The following HIPK1 variants were observed in gnomAD, a reference collection of about 807,000 sequenced individuals.
HIPK1 encodes the protein homeodomain-interacting protein kinase 1.
In HIPK1, 28 loss-of-function variants were observed where a neutral mutation model predicts 117.1. That is an observed-to-expected ratio of 0.24 (90% CI 0.18 to 0.33). The LOEUF (loss-of-function observed/expected upper bound fraction) is 0.33, where lower values mean the gene tolerates loss of function less well. Ranked by LOEUF, HIPK1 falls within the 10% of genes least tolerant of loss-of-function variation. The pLI, the probability that HIPK1 is intolerant of heterozygous loss-of-function variation, is 1.00. For synonymous variants in HIPK1, 605 were observed against 562.5 expected (o/e 1.08, Z -1.07); for missense variants, 1,122 against 1,475.1 (o/e 0.76, Z 3.92).
intron 2 of HIPK1, among the ~76,000 whole-genome samples, chr1:113,949,315 G>T (rs1351633376): frequency 3.3e-5 from 5 of 152,176 alleles, no homozygotes; most frequent in Admixed American, 3.3e-4. Flanking sequence ...CTCATTGCCA[G>T]TTGTGCTCCC....
intron 1 of HIPK1, chr1:113,929,799 G>T: frequency 1.0e-6 from 1 of 976,938 alleles, no homozygotes; most frequent in Non-Finnish European, 1.2e-6. Flanking sequence ...GCGCGGGGAC[G>T]GCTCCGGGGG....
chr1:113,948,539 C>T (rs940160667), intron 2 of HIPK1, among the ~76,000 whole-genome samples: 5 of 151,806 alleles, frequency 3.3e-5, no homozygotes, highest in Non-Finnish European at 7.4e-5. Context: ...AGGTGTGAAC[C>T]GCCGTTTCTG....
chr1:113,968,597 C>G lies in HIPK1; in HGVS notation c.2720C>G (p.Thr907Ser). ...CCCAGCCCTCCTGTGAGTGTCATCA[C>G]TATCCGAAGTGACACTGATGAGGAA... The part of the protein sequence containing the change: ...DTPSPPVSVI[T>S]IRSDTDEEED... The change falls in exon 13 of 16, where the codon ACT becomes AGT. Residue 907 changes from threonine to serine, a missense_variant. Coordinates refer to ENST00000426820, the MANE Select transcript of HIPK1 (RefSeq NM_198268.3). The G allele has an allele frequency of 6.2e-7, 1 of 1,614,140 alleles. No individual in the cohort carries two copies. The highest frequency in any genetic ancestry group is 8.5e-7 in the Non-Finnish European group (1 of 1,179,960).
chr1:113,977,113 G>A lies in HIPK1; in HGVS notation c.*3601G>A, dbSNP rs1159700024. 2 of 152,734 alleles carry A rather than the reference G, an allele frequency of 1.3e-5. No individual in the cohort carries two copies. Among genetic ancestry groups the A allele is most frequent in the African/African-American group, 4.8e-5 (2 of 41,450 alleles). 9.5% of individuals were successfully genotyped at this position (152,734 alleles called of 1,614,324 possible). ...GACTGCCCTTAGCCAGGCAAGCACA[G>A]TAATGTGTGTTTTGTTCAGCATTAT... On this transcript the variant is annotated 3_prime_UTR_variant, in exon 16 of 16. Coordinates refer to ENST00000426820, the MANE Select transcript of HIPK1 (RefSeq NM_198268.3).
chr1:113,965,573 G>T (rs974073388), intron 10 of HIPK1, among the ~76,000 whole-genome samples: 1 of 151,992 alleles, frequency 6.6e-6, no homozygotes, highest in African/African-American at 2.4e-5. Context: ...GCTTTTTCTT[G>T]CTGGCATAAG....
intron 10 of HIPK1, among the ~76,000 whole-genome samples, chr1:113,963,848 T>C (rs768459807): frequency 6.6e-6 from 1 of 152,206 alleles, no homozygotes; most frequent in Non-Finnish European, 1.5e-5. Context: ...TCAGAAGAGC[T>C]TCAACACTGT....
At position 113,966,311 on chromosome 1, in the gene HIPK1, C is replaced by T. The variant is rs199800696; in HGVS notation, c.2381+39C>T. The stretch of plus-strand genomic sequence containing the variant: ...GTTACTCTGGGAGATTTGTAAGGGC[C>T]GATCCCATAGGGTGGGAGCACTTGG... On this transcript the variant is annotated intron_variant, in intron 11 of 15. Transcript: ENST00000426820. The T allele has an allele frequency of 3.5e-5, 56 of 1,584,996 alleles. 1 individual carries two copies. In the African/African-American group the frequency reaches 3.7e-4, roughly 10 times the overall value.
chr1:113,946,730 A>G (rs779971822), intron 2 of HIPK1, among the ~76,000 whole-genome samples: 12 of 152,212 alleles, frequency 7.9e-5, no homozygotes, highest in Non-Finnish European at 1.5e-4. Flanking sequence ...AAGTGGAGCT[A>G]AGTTTGCCTC....
Position 113,929,490 on chromosome 1 carries a change from T to C in HIPK1, c.-45T>C. The C allele has an allele frequency of 7.8e-7, 1 of 1,289,348 alleles. No individual in the cohort carries two copies. 79.9% of individuals were successfully genotyped at this position (1,289,348 alleles called of 1,614,324 possible). ...CCGACTCCTACTGCAATCAGTACTA[T>C]GCGATCGTCCTAGAGAGTCCATTCA... On this transcript the variant is annotated 5_prime_UTR_variant, in exon 1 of 16. It removes an upstream start codon present in the reference 5' UTR. Coordinates refer to ENST00000426820, the MANE Select transcript of HIPK1 (RefSeq NM_198268.3).
intron 14 of HIPK1, among the ~76,000 whole-genome samples, chr1:113,971,581 CAA>C (rs1319510576): frequency 1.3e-5 from 2 of 152,064 alleles, no homozygotes; most frequent in African/African-American, 2.4e-5. Flanking sequence ...TTGTATATAA[CAA>C]GAGATTATAG....
chr1:113,968,029 C>CT, intron 12 of HIPK1, 81 bp downstream of exon 12: 12 of 1,237,616 alleles, frequency 9.7e-6, no homozygotes, highest in Non-Finnish European at 1.3e-5. Context: ...ATTGTATAGA[C>CT]ATATAATATA....
chr1:113,951,930 A>T (rs904507654), intron 2 of HIPK1, among the ~76,000 whole-genome samples: 6 of 124,166 alleles, frequency 4.8e-5, no homozygotes, highest in South Asian at 2.6e-4. Context: ...ATGAAGGGTT[A>T]TTTATTGACC....
intron 14 of HIPK1, among the ~76,000 whole-genome samples, chr1:113,971,238 TAC>T (rs1173438339): frequency 1.3e-5 from 2 of 152,220 alleles, no homozygotes; most frequent in Non-Finnish European, 2.9e-5. Context: ...GAATTATTAG[TAC>T]CTCCGTGTGC....
intron 1 of HIPK1, among the ~76,000 whole-genome samples, chr1:113,934,047 T>TA (rs1414068984): frequency 6.6e-6 from 1 of 152,174 alleles, no homozygotes; most frequent in Non-Finnish European, 1.5e-5. Flanking sequence ...TTATCATCTG[T>TA]AAAAAATATG....
chr1:113,957,001 T>A (rs1292993998), intron 6 of HIPK1, 123 bp from the exon 7 acceptor site: 3 of 928,838 alleles, frequency 3.2e-6, no homozygotes, highest in Non-Finnish European at 4.9e-6. Flanking sequence ...ATTATACAAA[T>A]TCTTGATTTA....
Position 113,962,318 on chromosome 1 carries a change from T to C in HIPK1, c.1983T>C (p.Thr661=). ...TAACTGTGATGCTGTTTTCAATAGCTGGACTACAAGCAACAACAAAGCATT... is the reference window on the plus strand; with the variant it reads ...TAACTGTGATGCTGTTTTCAATAGCCGGACTACAAGCAACAACAAAGCATT... ...TFIVCPPAFQ[T]GLQATTKHSG... is the part of the protein sequence containing the mutation. Residue 661 remains threonine, a splice_region_variant and synonymous_variant, in exon 9 of 16, where the codon ACT becomes ACC. Transcript: ENST00000426820. The C allele has an allele frequency of 6.2e-7, 1 of 1,613,418 alleles. No homozygotes were observed. Among genetic ancestry groups the C allele is most frequent in the Non-Finnish European group, 8.5e-7 (1 of 1,179,618 alleles).
chr1:113,929,706 G>C (rs2101093406), intron 1 of HIPK1, 174 bp downstream of exon 1: 1 of 810,390 alleles, frequency 1.2e-6, no homozygotes, highest in African/African-American at 1.9e-5. Flanking sequence ...GAGCGCGCGG[G>C]GCTGAGGCGG....
At position 113,973,800 on chromosome 1, in the gene HIPK1, G is replaced by C; in HGVS notation, c.*288G>C. On this transcript the variant is annotated 3_prime_UTR_variant, in exon 16 of 16. Transcript: ENST00000426820. ...GATGCCCATCTTCTGCAGTTACCAAGGAAGAGAGATTGTTCTGAAGTTACC... is the reference window on the plus strand; with the variant it reads ...GATGCCCATCTTCTGCAGTTACCAACGAAGAGAGATTGTTCTGAAGTTACC... 3.7e-6 allele frequency: 1 copy of C among 268,548 alleles called. No homozygotes were observed. The highest frequency in any genetic ancestry group is 6.9e-6 in the Non-Finnish European group (1 of 144,308). The allele number at this position is 268,548 out of a possible 1,614,324, so 16.6% of individuals were successfully genotyped here.
At chr1:113,937,153 CT>C (rs1327047299) in intron 1 of HIPK1, among the ~76,000 whole-genome samples, 12 of 152,016 alleles carry the variant, frequency 7.9e-5, no homozygotes, top group Middle Eastern at 3.4e-3. Flanking sequence ...TTAATTTGTA[CT>C]TTTTTTTCTC....
Sources: allele counts gnomAD v4.1 joint callset (sites outside exome capture counted in the v4.1 genomes callset), GRCh38; gene constraint gnomAD v4.1.1; transcripts MANE v1.5; gene names NCBI Gene and HGNC (gene_info 2026-07-23, HGNC 2026-07-21).